DCAF8L2: variants seen among roughly 807,000 people sequenced by gnomAD.
DCAF8L2 encodes DDB1 and CUL4 associated factor 8 like 2.
For synonymous variants in DCAF8L2, 200 were observed against 190.9 expected, an observed-to-expected ratio of 1.05 and a Z score of -0.39; for missense variants, 430 against 490.7, an observed-to-expected ratio of 0.88 and a Z score of 1.17.
intron 1 of DCAF8L2, among the ~76,000 whole-genome samples, chrX:27,618,699 G>C (rs1055557957): frequency 9.0e-6 from 1 of 110,815 alleles, no homozygotes; most frequent in Admixed American, 9.7e-5. Flanking sequence ...ACCCCCATGC[G>C]CCCTCTTGGC....
At chrX:27,644,515 C>T (rs972981521) in intron 2 of DCAF8L2, among the ~76,000 whole-genome samples, 3 of 110,941 alleles carry the variant, frequency 2.7e-5, no homozygotes, top group Non-Finnish European at 5.7e-5. Flanking sequence ...GAAAAAACCT[C>T]TTGTTACAAA....
At chrX:27,526,146 G>A in the DCAF8L2 span, among the ~76,000 whole-genome samples, 9 of 111,501 alleles carry the variant, frequency 8.1e-5, no homozygotes, top group African/African-American at 1.3e-4. Context: ...CATTCTCCCC[G>A]TCACTTTCAG....
chrX:27,551,333 C>A, the DCAF8L2 span, among the ~76,000 whole-genome samples: 1 of 110,287 alleles, frequency 9.1e-6, no homozygotes, highest in Non-Finnish European at 1.9e-5. Flanking sequence ...GCAAGACCTT[C>A]CACCAGCAAA....
At chrX:27,535,574 C>T in the DCAF8L2 span, among the ~76,000 whole-genome samples, 1 of 111,291 alleles carries the variant, frequency 9.0e-6, no homozygotes, top group Non-Finnish European at 1.9e-5. Context: ...CCTCTGCTTA[C>T]CTAAAGGTAC....
At chrX:27,559,418 TC>T in the DCAF8L2 span, among the ~76,000 whole-genome samples, 3 of 112,119 alleles carry the variant, frequency 2.7e-5, no homozygotes, top group African/African-American at 9.7e-5. Flanking sequence ...CACTGGCCTT[TC>T]CAGGTTAGAA....
the DCAF8L2 span, among the ~76,000 whole-genome samples, chrX:27,493,569 G>A: frequency 4.6e-5 from 5 of 108,803 alleles, no homozygotes; most frequent in Non-Finnish European, 7.6e-5. Context: ...AAATTAGCCA[G>A]GTGTGGTGGT....
At chrX:27,600,996 G>T (rs1292593753) in intron 1 of DCAF8L2, among the ~76,000 whole-genome samples, 1 of 109,233 alleles carries the variant, frequency 9.2e-6, no homozygotes, top group Non-Finnish European at 1.9e-5. Flanking sequence ...AGAATGCAGT[G>T]ACGTGATCAT....
chrX:27,522,626 T>C, the DCAF8L2 span, among the ~76,000 whole-genome samples: 1 of 111,974 alleles, frequency 8.9e-6, no homozygotes, highest in Non-Finnish European at 1.9e-5. Flanking sequence ...TACCAGACCC[T>C]GGAGACCATT....
the DCAF8L2 span, among the ~76,000 whole-genome samples, chrX:27,499,659 G>A: frequency 9.0e-6 from 1 of 111,144 alleles, no homozygotes; most frequent in Non-Finnish European, 1.9e-5. Flanking sequence ...TTCACATGGC[G>A]AAGCAGGAGG....
chrX:27,559,226 C>T, the DCAF8L2 span, among the ~76,000 whole-genome samples: 1 of 111,534 alleles, frequency 9.0e-6, no homozygotes, highest in Non-Finnish European at 1.9e-5. Context: ...CTAATACAGG[C>T]CCAATCCCAC....
intron 2 of DCAF8L2, among the ~76,000 whole-genome samples, chrX:27,648,317 T>C (rs2147195819): frequency 9.1e-6 from 1 of 109,908 alleles, no homozygotes; most frequent in South Asian, 3.8e-4. Context: ...AAAATAATAT[T>C]CTATGTTGTT....
the DCAF8L2 span, chrX:27,518,354 A>G: frequency 6.0e-6 from 6 of 998,927 alleles, no homozygotes; most frequent in Non-Finnish European, 8.5e-6. Flanking sequence ...GGCATGAAGA[A>G]CATAGAGGAA....
intron 4 of DCAF8L2, among the ~76,000 whole-genome samples, chrX:27,731,165 T>C (rs1461188117): frequency 5.5e-5 from 6 of 110,002 alleles, no homozygotes; most frequent in African/African-American, 2.0e-4. Context: ...GGTGGATCAC[T>C]TGAGGTCAAG....
the DCAF8L2 span, among the ~76,000 whole-genome samples, chrX:27,550,561 T>C: frequency 9.0e-6 from 1 of 111,270 alleles, no homozygotes; most frequent in Non-Finnish European, 1.9e-5. Flanking sequence ...TGTAGCTATC[T>C]TGAAATATAT....
In DCAF8L2 at chrX:27,721,075, C is replaced by T. The variant is rs145549929; in HGVS notation, c.-59+4904C>T. 8.4e-3 allele frequency among the ~76,000 whole-genome samples: 937 copies of T among 111,503 alleles called. 12 individuals carry two copies. Among genetic ancestry groups the T allele is most frequent in the African/African-American group, 0.029 (894 of 30,795 alleles). On this transcript the variant is annotated intron_variant, in intron 4 of 4. Coordinates refer to ENST00000451261, the MANE Select transcript of DCAF8L2 (RefSeq NM_001353450.2). ...ATTGTTAATTGTAATAACTATCTTA[C>T]AGATTTTAAAGGGTTTTCCACATAC...
chrX:27,590,991 TTA>T (rs10571931), intron 1 of DCAF8L2, among the ~76,000 whole-genome samples: 975 of 68,046 alleles, frequency 0.014, 42 homozygotes, highest in Admixed American at 0.11. Flanking sequence ...CCTTTACATT[TTA>T]TATATATATA....
At chrX:27,582,773 G>A in the DCAF8L2 span, among the ~76,000 whole-genome samples, 2 of 110,604 alleles carry the variant, frequency 1.8e-5, no homozygotes, top group African/African-American at 6.6e-5. Flanking sequence ...TCTAAGTATC[G>A]TTTGATTCCT....
At position 27,614,792 on chromosome X, in the gene DCAF8L2, A is replaced by G. The variant is rs752248586; in HGVS notation, c.-341-17087A>G. 1.4e-3 allele frequency among the ~76,000 whole-genome samples: 150 copies of G among 106,809 alleles called. 2 individuals carry two copies. Among genetic ancestry groups the G allele is most frequent in the Non-Finnish European group, 2.6e-3 (132 of 51,229 alleles). 92.8% of individuals were successfully genotyped at this position (106,809 alleles called of 115,157 possible). ...GTGAGTTTCTTAATCCTGAGTTCTA[A>G]TTTGATTGCACTGTGGTCTGAGAGA... is the stretch of plus-strand genomic sequence containing the variant. On this transcript the variant is annotated intron_variant, in intron 1 of 4. Coordinates refer to ENST00000451261, the MANE Select transcript of DCAF8L2 (RefSeq NM_001353450.2).
chrX:27,590,757 C>T (rs221377), intron 1 of DCAF8L2, among the ~76,000 whole-genome samples: 45,941 of 107,350 alleles, frequency 0.43, 8,694 homozygotes, highest in South Asian at 0.67. Context: ...AATATTAAGA[C>T]GGAATAGAGA....
Sources: gnomAD v4.1 joint callset for allele counts (sites outside exome capture counted in the v4.1 genomes callset) on GRCh38, gnomAD v4.1.1 for gene constraint, MANE v1.5 for transcripts, NCBI Gene and HGNC (gene_info 2026-07-23, HGNC 2026-07-21) for gene names.